Variants in GPR39 observed in about 807,000 individuals in gnomAD.
The protein encoded by GPR39 is zinc sensing receptor.
In GPR39, 23 loss-of-function variants were observed where a neutral mutation model predicts 18.4. The ratio of observed to expected loss-of-function variants is 1.25; its 90% CI spans 0.90 to 1.77. The LOEUF (loss-of-function observed/expected upper bound fraction) is 1.77. Ranked by LOEUF, GPR39 falls within the 40% of genes most tolerant of loss-of-function variation. GPR39 has a pLI of 0.00. For synonymous variants in GPR39, 280 were observed against 257.9 expected (o/e 1.09, Z -0.82); for missense variants, 647 against 602.4 (o/e 1.07, Z -0.78).
chr2:132,612,785 T>C (rs1007920092), intron 1 of GPR39, among the ~76,000 whole-genome samples: 1 of 152,242 alleles, frequency 6.6e-6, no homozygotes, highest in African/African-American at 2.4e-5. Context: ...ATTCTTCATC[T>C]TAAACACTAT....
rs6740534 is a variant in GPR39, at chr2:132,533,997, C to G, written c.857-111104C>G. On this transcript the variant is annotated intron_variant, in intron 1 of 1. Coordinates refer to ENST00000329321, the MANE Select transcript of GPR39 (RefSeq NM_001508.3). ...AAAAGTCAAAATTGACAGATGGGATCTAATTAAACTAAAGAGCTTCTGCAC... is the reference window on the plus strand; with the variant it reads ...AAAAGTCAAAATTGACAGATGGGATGTAATTAAACTAAAGAGCTTCTGCAC... 4.6e-3 allele frequency among the ~76,000 whole-genome samples: 694 copies of G among 152,276 alleles called. 5 individuals carry two copies. The highest frequency in any genetic ancestry group is 0.015 in the African/African-American group (626 of 41,548).
At chr2:132,494,867 G>A (rs1055724712) in intron 1 of GPR39, among the ~76,000 whole-genome samples, 1 of 152,096 alleles carries the variant, frequency 6.6e-6, no homozygotes, top group African/African-American at 2.4e-5. Context: ...AAAAACTGAG[G>A]TTATATGTCA....
chr2:132,528,799 T>C (rs1679557102), intron 1 of GPR39, among the ~76,000 whole-genome samples: 1 of 152,224 alleles, frequency 6.6e-6, no homozygotes, highest in Admixed American at 6.5e-5. Flanking sequence ...TCTGAAACTT[T>C]GCTGAAGTTT....
intron 1 of GPR39, among the ~76,000 whole-genome samples, chr2:132,559,641 C>A (rs1680212370): frequency 6.6e-6 from 1 of 151,994 alleles, no homozygotes; most frequent in Admixed American, 6.6e-5. Flanking sequence ...TTGACACAGT[C>A]TTAAAGAGGA....
In GPR39 at chr2:132,511,883, G is replaced by GCTATCTGATTC. The variant is rs11267146; in HGVS notation, c.856+93986_856+93987insTATCTGATTCC. Among the ~76,000 whole-genome samples the GCTATCTGATTC allele has an allele frequency of 2.0e-5, 3 of 152,134 alleles. No individual in the cohort carries two copies. In the East Asian group the frequency reaches 5.8e-4, roughly 29 times the overall value. The stretch of plus-strand genomic sequence containing the variant: ...AAGCAAAGTGATGACTCAAGTCCAG[G>GCTATCTGATTC]CAGACTCTATACATTGAACCACTGT... On this transcript the variant is annotated intron_variant, in intron 1 of 1. Coordinates refer to ENST00000329321, the MANE Select transcript of GPR39 (RefSeq NM_001508.3).
intron 1 of GPR39, among the ~76,000 whole-genome samples, chr2:132,530,742 C>T (rs1679603618): frequency 6.6e-6 from 1 of 152,184 alleles, no homozygotes; most frequent in Non-Finnish European, 1.5e-5. Context: ...AATTTCATAT[C>T]CAGCCAAACT....
intron 1 of GPR39, among the ~76,000 whole-genome samples, chr2:132,617,041 T>C (rs1408398234): frequency 2.0e-5 from 3 of 152,218 alleles, no homozygotes; most frequent in Non-Finnish European, 4.4e-5. Flanking sequence ...ACACGTTTTG[T>C]GGATTCTCTT....
At chr2:132,585,946 CG>C (rs1680718257) in intron 1 of GPR39, among the ~76,000 whole-genome samples, 1 of 53,754 alleles carries the variant, frequency 1.9e-5, no homozygotes, top group Non-Finnish European at 3.4e-5. Flanking sequence ...GAAGCATCCC[CG>C]GTTTTTTTTT....
chr2:132,631,550 T>C (rs1681650039), intron 1 of GPR39, among the ~76,000 whole-genome samples: 1 of 152,210 alleles, frequency 6.6e-6, no homozygotes, highest in Admixed American at 6.5e-5. Flanking sequence ...TCAAACACAG[T>C]GTGAGCCTGG....
At chr2:132,433,832 T>G (rs2104760567) in intron 1 of GPR39, 1 of 151,082 alleles carries the variant, frequency 6.6e-6, no homozygotes, top group Middle Eastern at 3.4e-3. Context: ...GAAATGCAGC[T>G]TTTATGTTGG....
chr2:132,638,176 CTG>C (rs776604849), intron 1 of GPR39, among the ~76,000 whole-genome samples: 1 of 152,026 alleles, frequency 6.6e-6, no homozygotes, highest in African/African-American at 2.4e-5. Flanking sequence ...TGAGGAAGAG[CTG>C]TGTGTGGAAA....
At chr2:132,449,982 G>A (rs1680604948) in intron 1 of GPR39, among the ~76,000 whole-genome samples, 1 of 152,142 alleles carries the variant, frequency 6.6e-6, no homozygotes, top group Non-Finnish European at 1.5e-5. Context: ...GAGTCAGACA[G>A]CTTGGAAATG....
intron 1 of GPR39, among the ~76,000 whole-genome samples, chr2:132,641,167 T>C (rs542079695): frequency 8.9e-4 from 136 of 152,190 alleles, no homozygotes; most frequent in Non-Finnish European, 1.6e-3. Flanking sequence ...CTAGGCAAAG[T>C]TTAGAATGAG....
intron 1 of GPR39, among the ~76,000 whole-genome samples, chr2:132,599,595 C>T (rs113070038): frequency 1.8e-4 from 27 of 152,290 alleles, no homozygotes; most frequent in Middle Eastern, 3.4e-3. Context: ...CCCTGAGTCC[C>T]TTCCAACTCT....
chr2:132,521,513 A>T (rs951844514), intron 1 of GPR39, among the ~76,000 whole-genome samples: 1 of 152,076 alleles, frequency 6.6e-6, no homozygotes, highest in African/African-American at 2.4e-5. Flanking sequence ...TCTGACTCAC[A>T]CCACAGGGAT....
chr2:132,638,119 G>A (rs903596700), intron 1 of GPR39, among the ~76,000 whole-genome samples: 2 of 151,936 alleles, frequency 1.3e-5, no homozygotes, highest in Non-Finnish European at 2.9e-5. Context: ...AAAGGGGAGG[G>A]AAAAAGAGAC....
At chr2:132,544,678 C>G (rs548522293) in intron 1 of GPR39, among the ~76,000 whole-genome samples, 2 of 152,342 alleles carry the variant, frequency 1.3e-5, no homozygotes, top group African/African-American at 4.8e-5. Flanking sequence ...GGGTGTGCAC[C>G]AGTCCGCCAG....
intron 1 of GPR39, among the ~76,000 whole-genome samples, chr2:132,629,982 T>C (rs1346754598): frequency 6.6e-6 from 1 of 152,204 alleles, no homozygotes; most frequent in Admixed American, 6.5e-5. Flanking sequence ...CTTATTGTTT[T>C]CATCTGTAAA....
At chr2:132,536,381 A>T (rs2104781092) in intron 1 of GPR39, among the ~76,000 whole-genome samples, 1 of 152,236 alleles carries the variant, frequency 6.6e-6, no homozygotes, top group South Asian at 2.1e-4. Flanking sequence ...TGTGGTTTTG[A>T]GTGAGTTTCT....
Sources: allele counts gnomAD v4.1 joint callset (sites outside exome capture counted in the v4.1 genomes callset), GRCh38; gene constraint gnomAD v4.1.1; transcripts MANE v1.5; gene names NCBI Gene and HGNC (gene_info 2026-07-23, HGNC 2026-07-21).